MEGF10: variants seen among roughly 807,000 people sequenced by gnomAD.
The protein encoded by MEGF10 is multiple epidermal growth factor-like domains protein 10.
In MEGF10, 86 loss-of-function variants were observed where a neutral mutation model predicts 147.5. The observed-to-expected ratio is 0.58, with a 90% CI of 0.49 to 0.70. The LOEUF is 0.70. MEGF10 is among the 30% of genes least tolerant of loss of function. The pLI is 0.00. For synonymous variants in MEGF10, 478 were observed against 525.5 expected, an observed-to-expected ratio of 0.91 and a Z score of 1.24; for missense variants, 1,329 against 1,487.3, an observed-to-expected ratio of 0.89 and a Z score of 1.75.
chr5:127,414,056 A>G (rs1379757110), intron 9 of MEGF10, among the ~76,000 whole-genome samples: 4 of 152,234 alleles, frequency 2.6e-5, no homozygotes, highest in South Asian at 2.1e-4. Context: ...CCAATCTATC[A>G]CTTGAAATAT....
At chr5:127,337,947 T>C (rs140359232) in intron 2 of MEGF10, among the ~76,000 whole-genome samples, 374 of 152,184 alleles carry the variant, frequency 2.5e-3, no homozygotes, top group African/African-American at 8.6e-3. Flanking sequence ...ATTGCAATAT[T>C]CCAAAGAATG....
intron 5 of MEGF10, among the ~76,000 whole-genome samples, chr5:127,374,512 TAA>T (rs112609571): frequency 6.6e-6 from 1 of 151,730 alleles, no homozygotes; most frequent in Admixed American, 6.6e-5. Context: ...TTCCTATACA[TAA>T]AAAAAACCCC....
intron 1 of MEGF10, among the ~76,000 whole-genome samples, chr5:127,325,729 C>A (rs1760987933): frequency 1.3e-5 from 2 of 151,510 alleles, no homozygotes; most frequent in Admixed American, 1.3e-4. Context: ...AGAATTAGAA[C>A]CATTAGTAAA....
intron 8 of MEGF10, chr5:127,409,467 G>C (rs1764468923): frequency 6.6e-6 from 1 of 152,216 alleles, no homozygotes; most frequent in Non-Finnish European, 1.5e-5. Context: ...TAGTCAAAAA[G>C]AAACTTGGCT....
chr5:127,281,391 TTC>T, the MEGF10 span, among the ~76,000 whole-genome samples: 2 of 151,800 alleles, frequency 1.3e-5, no homozygotes, highest in African/African-American at 4.8e-5. Flanking sequence ...GATGAGAGTT[TTC>T]TGTCCCTTCA....
chr5:127,268,086 T>A, the MEGF10 span, among the ~76,000 whole-genome samples: 3 of 152,228 alleles, frequency 2.0e-5, no homozygotes, highest in African/African-American at 4.8e-5. Flanking sequence ...TACACACTAC[T>A]TTAAATGTGT....
Position 127,422,604 on chromosome 5 carries a change from T to C in MEGF10, c.1591-66T>C, listed in dbSNP as rs1765055465. ...GTATGTGAAATGGCTGACAGTGGCC[T>C]TTTCCTCTTCTGTTGTGGGATTTCC... is the stretch of plus-strand genomic sequence containing the variant. On this transcript the variant is annotated intron_variant, in intron 12 of 24. Transcript: ENST00000503335. The C allele has an allele frequency of 5.4e-6, 7 of 1,288,560 alleles. No individual in the cohort carries two copies. In the East Asian group the frequency reaches 1.2e-4, roughly 21 times the overall value. 79.8% of individuals were successfully genotyped at this position (1,288,560 alleles called of 1,614,324 possible).
At chr5:127,239,723 A>T in the MEGF10 span, among the ~76,000 whole-genome samples, 1 of 151,998 alleles carries the variant, frequency 6.6e-6, no homozygotes, top group Non-Finnish European at 1.5e-5. Context: ...GGTTGAGCAT[A>T]TAGGGGTTCA....
chr5:127,368,422 A>G (rs1023748758), intron 4 of MEGF10, among the ~76,000 whole-genome samples: 1 of 152,048 alleles, frequency 6.6e-6, no homozygotes, highest in Non-Finnish European at 1.5e-5. Context: ...ATTTATGGCC[A>G]CTTTATTTCA....
intron 1 of MEGF10, among the ~76,000 whole-genome samples, chr5:127,327,121 A>C (rs993863332): frequency 6.6e-6 from 1 of 152,176 alleles, no homozygotes; most frequent in East Asian, 1.9e-4. Flanking sequence ...GGAGCTGCAA[A>C]ACACAGACAG....
At chr5:127,367,779 G>A (rs1250037603) in intron 4 of MEGF10, among the ~76,000 whole-genome samples, 2 of 152,176 alleles carry the variant, frequency 1.3e-5, no homozygotes, top group Non-Finnish European at 2.9e-5. Flanking sequence ...GCTATTCACT[G>A]TAATAGCTGC....
At chr5:127,299,289 A>G (rs779621564) in intron 1 of MEGF10, among the ~76,000 whole-genome samples, 11 of 152,206 alleles carry the variant, frequency 7.2e-5, no homozygotes, top group Non-Finnish European at 1.5e-4. Flanking sequence ...CTGTGTATAT[A>G]TTAATAATTC....
chr5:127,454,778 A>G (rs970480634), intron 23 of MEGF10, among the ~76,000 whole-genome samples, 168 bp downstream of exon 23: 3 of 152,230 alleles, frequency 2.0e-5, no homozygotes, highest in Non-Finnish European at 2.9e-5. Flanking sequence ...ACATCAAGAA[A>G]GTGACCAGAG....
At chr5:127,428,141 ATTTTTTTTTTTT>A (rs66935934) in intron 13 of MEGF10, among the ~76,000 whole-genome samples, 22 of 103,570 alleles carry the variant, frequency 2.1e-4, no homozygotes, top group African/African-American at 6.2e-4. Context: ...GGTGTCTGGT[ATTTTTTTTTTTT>A]TTTTTTTTTT....
rs75289329 is a variant in MEGF10 at position 127,399,036 on chromosome 5, G to A, written c.780+240G>A. ...GAAGGTTGTCATGTAAAGGGTAGTGGCCATCTGTCCTGCATTTCCCTTAAG... is the reference window on the plus strand; with the variant it reads ...GAAGGTTGTCATGTAAAGGGTAGTGACCATCTGTCCTGCATTTCCCTTAAG... On this transcript the variant is annotated intron_variant, in intron 7 of 24. Transcript: ENST00000503335. 0.011 allele frequency among the ~76,000 whole-genome samples: 1,703 copies of A among 152,270 alleles called. 21 individuals carry two copies. Among genetic ancestry groups the A allele is most frequent in the East Asian group, 0.046 (241 of 5,192 alleles).
intron 1 of MEGF10, among the ~76,000 whole-genome samples, chr5:127,318,795 A>G (rs1020623068): frequency 1.3e-5 from 2 of 152,146 alleles, no homozygotes; most frequent in Non-Finnish European, 2.9e-5. Flanking sequence ...GCCCAATTGC[A>G]AACAAACAAA....
the MEGF10 span, among the ~76,000 whole-genome samples, chr5:127,272,413 C>T: frequency 6.6e-6 from 1 of 152,176 alleles, no homozygotes; most frequent in African/African-American, 2.4e-5. Context: ...TACTCAGGCT[C>T]TTTTTGGGTT....
chr5:127,420,358 T>C lies in MEGF10; in HGVS notation c.1590+151T>C, dbSNP rs1262472293. Reference sequence around the variant, plus strand: ...AAGAATCCAGGTATTTGGATTCAAATTGGACGTAGGATTGGAAAAGAGATA... The same window carrying C: ...AAGAATCCAGGTATTTGGATTCAAACTGGACGTAGGATTGGAAAAGAGATA... On this transcript the variant is annotated intron_variant, in intron 12 of 24. Transcript: ENST00000503335. 1.6e-5 allele frequency: 13 copies of C among 838,072 alleles called. No individual in the cohort carries two copies. The East Asian group carries it at 3.6e-4, about 23-fold the overall frequency. 51.9% of individuals were successfully genotyped at this position (838,072 alleles called of 1,614,324 possible). A position where few individuals can be genotyped will look rare whatever the true frequency, so the allele number is the denominator to read the frequency against.
chr5:127,417,781 C>A lies in MEGF10; in HGVS notation c.1274C>A (p.Thr425Asn). 6.2e-7 allele frequency: 1 copy of A among 1,613,994 alleles called. No individual in the cohort carries two copies. The highest frequency in any genetic ancestry group is 8.5e-7 in the Non-Finnish European group (1 of 1,179,998). ...AATGGGGCAGACTGTGACAGTGTGA[C>A]TGGAAAGTGCACCTGTGCCCCAGGA... ...CQNGADCDSV[T>N]GKCTCAPGFK... Residue 425 changes from threonine to asparagine, a missense_variant, in exon 10 of 25, where the codon ACT becomes AAT. Physicochemically the swap from Thr to Asn is moderately conservative, Grantham distance 65. Around this residue, in one of 3 missense-constraint regions of MEGF10, gnomAD observed 980 missense variants for 1,085.9 expected, o/e 0.90. Coordinates refer to ENST00000503335, the MANE Select transcript of MEGF10 (RefSeq NM_001256545.2).
Sources: allele counts gnomAD v4.1 joint callset (sites outside exome capture counted in the v4.1 genomes callset), GRCh38; gene constraint gnomAD v4.1.1; regional missense constraint gnomAD v4.1.1; transcripts MANE v1.5; gene names NCBI Gene and HGNC (gene_info 2026-07-23, HGNC 2026-07-21).